Variants in DTNA observed in about 807,000 individuals in gnomAD.
DTNA encodes dystrobrevin alpha.
In DTNA, 43 loss-of-function variants were observed where a neutral mutation model predicts 100.7. The ratio of observed to expected loss-of-function variants is 0.43; its 90% CI spans 0.33 to 0.55. The LOEUF (loss-of-function observed/expected upper bound fraction) is 0.55. Ranked by LOEUF, DTNA falls within the 20% of genes least tolerant of loss-of-function variation. DTNA has a pLI of 0.04. For synonymous variants in DTNA, 349 were observed against 347.9 expected (o/e 1.00, Z -0.04); for missense variants, 798 against 953.9 (o/e 0.84, Z 2.15).
chr18:34,553,717 C>G (rs971984098), intron 1 of DTNA, among the ~76,000 whole-genome samples: 241 of 151,556 alleles, frequency 1.6e-3, no homozygotes, highest in Non-Finnish European at 2.5e-3. Context: ...TCTGAGGGCT[C>G]TGTTCTGTTC....
Position 34,884,813 on chromosome 18 carries a change from T to C in DTNA, c.*31+37T>C, listed in dbSNP as rs902842964. ...CTTATTTAGGAGGAATCATGGCCAC[T>C]GTACACTGAATTCTGATAACCTGTA... On this transcript the variant is annotated intron_variant, in intron 22 of 22. Coordinates refer to ENST00000444659, the MANE Select transcript of DTNA (RefSeq NM_001386795.1). 1.3e-5 allele frequency: 20 copies of C among 1,598,530 alleles called. No homozygotes were observed. The African/African-American group carries it at 2.5e-4, about 20-fold the overall frequency.
chr18:34,719,701 G>A (rs73946151), intron 1 of DTNA, among the ~76,000 whole-genome samples: 2,437 of 152,222 alleles, frequency 0.016, 51 homozygotes, highest in African/African-American at 0.053. Flanking sequence ...ATTCTACACC[G>A]ACACTGCTCA....
At chr18:34,604,296 A>T (rs1370084235) in intron 1 of DTNA, among the ~76,000 whole-genome samples, 3 of 152,214 alleles carry the variant, frequency 2.0e-5, no homozygotes, top group African/African-American at 4.8e-5. Flanking sequence ...CTTTAAAAAA[A>T]ATTTGGGAAA....
chr18:34,700,783 C>G (rs559078366), intron 1 of DTNA, among the ~76,000 whole-genome samples: 1 of 152,276 alleles, frequency 6.6e-6, no homozygotes, highest in Non-Finnish European at 1.5e-5. Context: ...CATCACTTTC[C>G]CATTTGCATC....
intron 1 of DTNA, among the ~76,000 whole-genome samples, chr18:34,741,270 C>T (rs957122168): frequency 7.2e-5 from 11 of 152,098 alleles, no homozygotes; most frequent in African/African-American, 2.4e-4. Context: ...TTTTATGTTT[C>T]GTAATATTTG....
intron 1 of DTNA, among the ~76,000 whole-genome samples, chr18:34,678,132 A>G (rs1238499370): frequency 2.6e-5 from 4 of 152,150 alleles, no homozygotes; most frequent in Non-Finnish European, 4.4e-5. Flanking sequence ...TGAGTCAATT[A>G]TCTCCTATTG....
In DTNA at chr18:34,838,977, C is replaced by A. The variant is rs184561829; in HGVS notation, c.1346+140C>A. ...CTGTTAACTGGTTCAGTTAAGAAGT[C>A]TCTCGTGATGTTAGTTTGGATACTT... is the stretch of plus-strand genomic sequence containing the variant. On this transcript the variant is annotated intron_variant, in intron 13 of 22. Transcript: ENST00000444659. 5.2e-5 allele frequency: 38 copies of A among 732,178 alleles called. 1 individual carries two copies. In the East Asian group the frequency reaches 8.1e-4, roughly 16 times the overall value. The allele number at this position is 732,178 out of a possible 1,614,324, so 45.4% of individuals were successfully genotyped here.
At position 34,751,361 on chromosome 18, in the gene DTNA, A is replaced by G. The variant is rs567410147; in HGVS notation, c.-1-4615A>G. ...CCCACGCCTACCCTCCTACCTACCC[A>G]GTCTTCCTTCCACTCACCATGCTGG... On this transcript the variant is annotated intron_variant, in intron 1 of 22. Transcript: ENST00000444659. 8.7e-4 allele frequency among the ~76,000 whole-genome samples: 133 copies of G among 152,150 alleles called. 1 individual carries two copies. The highest frequency in any genetic ancestry group is 2.8e-3 in the Admixed American group (42 of 15,264).
At chr18:34,563,109 A>G (rs1236378437) in intron 1 of DTNA, among the ~76,000 whole-genome samples, 1 of 152,172 alleles carries the variant, frequency 6.6e-6, no homozygotes, top group Non-Finnish European at 1.5e-5. Context: ...GAACTACCCA[A>G]TGTGACCTTA....
intron 3 of DTNA, among the ~76,000 whole-genome samples, chr18:34,773,527 T>C (rs1483815513): frequency 6.6e-6 from 1 of 152,240 alleles, no homozygotes; most frequent in Non-Finnish European, 1.5e-5. Context: ...AGCACAATTA[T>C]CTATGTTAGT....
At chr18:34,502,299 T>G (rs1410047133) in intron 1 of DTNA, among the ~76,000 whole-genome samples, 4 of 152,190 alleles carry the variant, frequency 2.6e-5, no homozygotes, top group African/African-American at 9.6e-5. Context: ...TTTTATTCAC[T>G]TTTAAAAGAA....
intron 1 of DTNA, among the ~76,000 whole-genome samples, chr18:34,723,415 CAA>C (rs199662388): frequency 6.6e-6 from 1 of 151,664 alleles, no homozygotes; most frequent in African/African-American, 2.4e-5. Flanking sequence ...GTATATTTGT[CAA>C]AAAAAGTTTA....
chr18:34,698,392 C>T (rs1031115068), intron 1 of DTNA, among the ~76,000 whole-genome samples: 3 of 152,180 alleles, frequency 2.0e-5, no homozygotes, highest in Middle Eastern at 3.2e-3. Flanking sequence ...AAGAATCCCC[C>T]CTTGCCTCTT....
At chr18:34,862,385 A>G (rs1278109761) in intron 16 of DTNA, among the ~76,000 whole-genome samples, 1 of 151,638 alleles carries the variant, frequency 6.6e-6, no homozygotes, top group African/African-American at 2.4e-5. Flanking sequence ...ATTGCTTGTA[A>G]GTGGCAATAA....
chr18:34,628,186 T>C (rs998287455), intron 1 of DTNA, among the ~76,000 whole-genome samples: 7 of 152,248 alleles, frequency 4.6e-5, no homozygotes, highest in African/African-American at 1.7e-4. Flanking sequence ...AACTCATTTC[T>C]CTAGCTTTCA....
At chr18:34,873,860 C>T (rs183425333) in intron 17 of DTNA, among the ~76,000 whole-genome samples, 155 of 152,182 alleles carry the variant, frequency 1.0e-3, no homozygotes, top group Middle Eastern at 6.8e-3. Context: ...TTGAGCAGGC[C>T]GAGGGAAGCA....
intron 1 of DTNA, among the ~76,000 whole-genome samples, chr18:34,512,384 T>A (rs1450891677): frequency 6.6e-6 from 1 of 152,056 alleles, no homozygotes; most frequent in Non-Finnish European, 1.5e-5. Flanking sequence ...CTGGCTGTTT[T>A]CCTCAGTCTG....
chr18:34,815,793 A>T, intron 6 of DTNA, 116 bp from the exon 7 acceptor site: 1 of 912,328 alleles, frequency 1.1e-6, no homozygotes, highest in Non-Finnish European at 1.8e-6. Context: ...GTTTCTTCAG[A>T]TATTAGACAT....
intron 1 of DTNA, among the ~76,000 whole-genome samples, chr18:34,502,681 G>A (rs1172081754): frequency 4.6e-5 from 7 of 152,042 alleles, no homozygotes; most frequent in Non-Finnish European, 5.9e-5. Context: ...CTTTCTTTCC[G>A]TTATTGACTT....
Sources: allele counts gnomAD v4.1 joint callset (sites outside exome capture counted in the v4.1 genomes callset), GRCh38; gene constraint gnomAD v4.1.1; transcripts MANE v1.5; gene names NCBI Gene and HGNC (gene_info 2026-07-23, HGNC 2026-07-21).